SLC14A2: variants seen among roughly 807,000 people sequenced by gnomAD.
SLC14A2 encodes the protein solute carrier family 14 member 2.
In SLC14A2, 91 loss-of-function variants were observed where a neutral mutation model predicts 104.6. The ratio of observed to expected loss-of-function variants is 0.87; its 90% CI spans 0.73 to 1.04. The LOEUF is 1.04. Among genes scored for constraint, SLC14A2 ranks in the 50% least tolerant of loss-of-function variants. The pLI is 0.00. For missense variants in SLC14A2, 1,189 were observed against 1,156.0 expected, an observed-to-expected ratio of 1.03 and a Z score of -0.41; for synonymous variants, 476 against 466.4, an observed-to-expected ratio of 1.02 and a Z score of -0.27.
chr18:45,460,248 G>A (rs1014792996), intron 1 of SLC14A2, among the ~76,000 whole-genome samples: 2 of 152,204 alleles, frequency 1.3e-5, no homozygotes, highest in African/African-American at 4.8e-5. Context: ...AGGAGAGGAG[G>A]TAGAAGATGA....
At chr18:45,667,487 C>T (rs2046045778) in intron 13 of SLC14A2, among the ~76,000 whole-genome samples, 1 of 152,184 alleles carries the variant, frequency 6.6e-6, no homozygotes, top group African/African-American at 2.4e-5. Context: ...AGCAATCTTT[C>T]CAGAGCTCAG....
At chr18:45,680,803 C>A (rs896536626) in intron 19 of SLC14A2, among the ~76,000 whole-genome samples, 2 of 152,222 alleles carry the variant, frequency 1.3e-5, no homozygotes, top group Admixed American at 1.3e-4. Context: ...GGTTCTTGGA[C>A]TGTGGAAATC....
At chr18:45,503,852 T>C (rs117246100) in intron 2 of SLC14A2, among the ~76,000 whole-genome samples, 2,047 of 152,366 alleles carry the variant, frequency 0.013, 23 homozygotes, top group Non-Finnish European at 0.023. Flanking sequence ...CCACTGGAAG[T>C]AGGTAAAACA....
rs1273772345 is a variant in SLC14A2, at chr18:45,637,116, C to T, written c.777C>T (p.Pro259=). 6 of 1,614,198 alleles carry T rather than the reference C, an allele frequency of 3.7e-6. No homozygotes were observed. The highest frequency in any genetic ancestry group is 5.1e-6 in the Non-Finnish European group (6 of 1,180,020). ...AATGHYNLFF[P]TTLVEPVSSV... ...CAGGCCACTACAACCTCTTCTTCCC[C>T]ACAACACTGGTAGAGCCTGTGTCTT... The change falls in exon 6 of 20, where the codon CCC becomes CCT. Residue 259 remains proline (P), a synonymous_variant. Transcript: ENST00000255226.
chr18:45,286,597 T>C (rs1225846765), intron 1 of SLC14A2, among the ~76,000 whole-genome samples: 1 of 152,236 alleles, frequency 6.6e-6, no homozygotes, highest in Admixed American at 6.5e-5. Context: ...CTCATACTTC[T>C]ACCTCTAAGA....
Position 45,582,750 on chromosome 18 carries a change from G to A in SLC14A2, c.-34-41881G>A, listed in dbSNP as rs141703434. Among the ~76,000 whole-genome samples the A allele has an allele frequency of 3.9e-4, 60 of 152,226 alleles. 1 individual carries two copies. The East Asian group carries it at 0.011, about 27-fold the overall frequency. ...GACTTACTCCTGCTGGCTCTTCCCT[G>A]TCATTCCCACACTGATGTCACTGAT... On this transcript the variant is annotated intron_variant, in intron 2 of 20. Transcript: ENST00000586448.
At chr18:45,528,009 C>T (rs1055531001) in intron 2 of SLC14A2, 11 of 152,128 alleles carry the variant, frequency 7.2e-5, no homozygotes, top group African/African-American at 2.7e-4. Flanking sequence ...TGTGTGTGCC[C>T]ATAGGGCCAC....
intron 1 of SLC14A2, among the ~76,000 whole-genome samples, chr18:45,346,486 A>G (rs1202348808): frequency 6.6e-6 from 1 of 152,062 alleles, no homozygotes; most frequent in African/African-American, 2.4e-5. Context: ...ACTCACATTT[A>G]CTAGTTTAGA....
In SLC14A2 at chr18:45,678,972, T is replaced by TTTAA; in HGVS notation, c.2513-3_2513-2insTTAA. 1 of 1,571,944 alleles carries TTTAA rather than the reference T, an allele frequency of 6.4e-7. No homozygotes were observed. The highest frequency in any genetic ancestry group is 8.6e-7 in the Non-Finnish European group (1 of 1,161,582). ...TTTCTTTCTTTTTTTTTTTTTTTTC[T>TTTAA]AGCACTGTTTGCTGCCTACCTGGGT... On this transcript the variant is annotated splice_region_variant and splice_polypyrimidine_tract_variant and intron_variant, in intron 18 of 19. Transcript: ENST00000255226.
chr18:45,509,366 T>C (rs537442681), intron 2 of SLC14A2, among the ~76,000 whole-genome samples: 2 of 152,130 alleles, frequency 1.3e-5, no homozygotes, highest in Non-Finnish European at 2.9e-5. Flanking sequence ...ATAAGTTTTC[T>C]TCCTGTGGTT....
In SLC14A2 at chr18:45,338,472, A is replaced by T. The variant is rs574314649; in HGVS notation, c.-125+125281A>T. 2.0e-3 allele frequency among the ~76,000 whole-genome samples: 299 copies of T among 152,206 alleles called. 2 individuals carry two copies. The highest frequency in any genetic ancestry group is 6.8e-3 in the African/African-American group (282 of 41,540). ...CGCCTCTGCCTCCCAAAGTGTTGGG[A>T]TTACAGGTGTGAACCACTGTGCCCG... On this transcript the variant is annotated intron_variant, in intron 1 of 20. Coordinates refer to the SLC14A2 transcript ENST00000586448.
intron 1 of SLC14A2, among the ~76,000 whole-genome samples, chr18:45,226,572 G>A (rs8097273): frequency 0.12 from 17,163 of 148,322 alleles, 986 homozygotes; most frequent in Non-Finnish European, 0.12. Context: ...CACAAGGACA[G>A]AAAACCAAAC....
Position 45,275,122 on chromosome 18 carries a change from C to T in SLC14A2, c.-125+61931C>T, listed in dbSNP as rs368601742. The stretch of plus-strand genomic sequence containing the variant: ...GTTGGGGGTGGAGGCAAGTAAAGCA[C>T]TGTTTTTCACATTTCAGGGAACATG... On this transcript the variant is annotated intron_variant, in intron 1 of 20. Transcript: ENST00000586448. 9.9e-5 allele frequency among the ~76,000 whole-genome samples: 15 copies of T among 152,268 alleles called. No individual in the cohort carries two copies. The South Asian group carries it at 2.7e-3, about 27-fold the overall frequency.
chr18:45,273,878 A>G (rs571022595), intron 1 of SLC14A2, among the ~76,000 whole-genome samples: 4 of 152,168 alleles, frequency 2.6e-5, no homozygotes, highest in Non-Finnish European at 5.9e-5. Context: ...AACAGTATTG[A>G]AGGGTGAAGA....
chr18:45,650,908 T>C (rs1200790026), intron 10 of SLC14A2, among the ~76,000 whole-genome samples: 2 of 384 alleles, frequency 5.2e-3, no homozygotes, highest in African/African-American at 0.014. Context: ...CCCAGCTTTT[T>C]TTTTATTTTT....
chr18:45,637,657 C>A (rs1047747079), intron 6 of SLC14A2, among the ~76,000 whole-genome samples: 1 of 152,160 alleles, frequency 6.6e-6, no homozygotes, highest in Admixed American at 6.5e-5. Flanking sequence ...GGTTCTCAGG[C>A]AGGGATAATT....
At position 45,669,339 on chromosome 18, in the gene SLC14A2, C is replaced by T. The variant is rs777305826; in HGVS notation, c.2070C>T (p.Phe690=). The change falls in exon 16 of 20, where the codon TTC becomes TTT. Residue 690 remains phenylalanine, a synonymous_variant. Transcript: ENST00000255226. Reference sequence around the variant, plus strand: ...TCTCCAGTGCCCTGGGTACCATCTTCAGCAAGTGGGACCTCCCAGTCTTCA... The same window carrying T: ...TCTCCAGTGCCCTGGGTACCATCTTTAGCAAGTGGGACCTCCCAGTCTTCA... ...PILSSALGTI[F]SKWDLPVFTL... is the part of the protein sequence containing the mutation. 8.1e-6 allele frequency: 13 copies of T among 1,613,810 alleles called. No individual in the cohort carries two copies. In the Admixed American group the frequency reaches 8.3e-5, roughly 10 times the overall value.
intron 1 of SLC14A2, among the ~76,000 whole-genome samples, chr18:45,370,059 T>C (rs1308438879): frequency 1.3e-5 from 2 of 151,734 alleles, no homozygotes; most frequent in Non-Finnish European, 2.9e-5. Context: ...CACTGAGGAG[T>C]CAGGTTGATT....
At chr18:45,415,469 T>G (rs2086267081) in intron 1 of SLC14A2, among the ~76,000 whole-genome samples, 1 of 152,180 alleles carries the variant, frequency 6.6e-6, no homozygotes, top group Non-Finnish European at 1.5e-5. Flanking sequence ...AGTCAAATAT[T>G]AGTCTTAATT....
Sources: gnomAD v4.1 joint callset for allele counts (sites outside exome capture counted in the v4.1 genomes callset) on GRCh38, gnomAD v4.1.1 for gene constraint, MANE v1.5 for transcripts, NCBI Gene and HGNC (gene_info 2026-07-23, HGNC 2026-07-21) for gene names.